PPP2R2B: variants seen among roughly 807,000 people sequenced by gnomAD.
PPP2R2B encodes the protein protein phosphatase 2 regulatory subunit Bbeta.
In PPP2R2B, 5 loss-of-function variants were observed where a neutral mutation model predicts 46.0. That is an observed-to-expected ratio of 0.11 (90% CI 0.06 to 0.23). The LOEUF (loss-of-function observed/expected upper bound fraction) is 0.23. PPP2R2B is among the 10% of genes least tolerant of loss of function. The pLI, the probability that PPP2R2B is intolerant of heterozygous loss-of-function variation, is 1.00. For synonymous variants in PPP2R2B, 215 were observed against 206.7 expected, an observed-to-expected ratio of 1.04 and a Z score of -0.34; for missense variants, 367 against 575.0, an observed-to-expected ratio of 0.64 and a Z score of 3.70.
intron 1 of PPP2R2B, among the ~76,000 whole-genome samples, chr5:146,952,319 T>G (rs1751652999): frequency 6.6e-6 from 1 of 152,076 alleles, no homozygotes; most frequent in Admixed American, 6.6e-5. Flanking sequence ...ATCCATTCAC[T>G]CTTTTTGACA....
At chr5:146,906,392 G>A (rs376324508) in intron 1 of PPP2R2B, among the ~76,000 whole-genome samples, 4 of 151,866 alleles carry the variant, frequency 2.6e-5, no homozygotes, top group Middle Eastern at 3.2e-3. Flanking sequence ...GCGCGATCTC[G>A]GCTCACCGCA....
intron 2 of PPP2R2B, among the ~76,000 whole-genome samples, chr5:146,708,284 G>A (rs1169315080): frequency 6.6e-6 from 1 of 151,448 alleles, no homozygotes; most frequent in Non-Finnish European, 1.5e-5. Context: ...TTGAGCCTGG[G>A]AGGCAGAGGT....
chr5:146,812,667 G>GTA (rs1186426182), intron 2 of PPP2R2B, among the ~76,000 whole-genome samples: 17 of 638 alleles, frequency 0.027, 6 homozygotes, highest in Non-Finnish European at 0.066. Flanking sequence ...CCTCAGAAGA[G>GTA]TATATATATA....
intron 2 of PPP2R2B, among the ~76,000 whole-genome samples, chr5:146,854,981 A>G (rs1011265978): frequency 2.6e-5 from 4 of 151,994 alleles, no homozygotes; most frequent in African/African-American, 9.7e-5. Flanking sequence ...AAATACTTCC[A>G]TTTTTTTTCT....
intron 2 of PPP2R2B, among the ~76,000 whole-genome samples, chr5:146,705,824 A>G (rs1581917576): frequency 3.9e-5 from 6 of 152,292 alleles, no homozygotes; most frequent in Admixed American, 3.9e-4. Context: ...ACCTTGTTGA[A>G]AGATGTTAAT....
intron 5 of PPP2R2B, among the ~76,000 whole-genome samples, chr5:146,672,299 T>C (rs1777422579): frequency 6.6e-6 from 1 of 152,134 alleles, no homozygotes; most frequent in Non-Finnish European, 1.5e-5. Context: ...AACCACACAA[T>C]TGCCCCTGGG....
intron 2 of PPP2R2B, among the ~76,000 whole-genome samples, chr5:146,810,705 CTTT>C (rs566360243): frequency 6.6e-6 from 1 of 150,974 alleles, no homozygotes; most frequent in Non-Finnish European, 1.5e-5. Flanking sequence ...TGGCTCCTGT[CTTT>C]TTTTTTCTTT....
chr5:147,078,789 C>T (rs1222236181), intron 2 of PPP2R2B, among the ~76,000 whole-genome samples: 1 of 138,840 alleles, frequency 7.2e-6, no homozygotes, highest in East Asian at 2.1e-4. Context: ...GCCTGGGTGG[C>T]AGAGCGAGAC....
Position 146,980,771 on chromosome 5 carries a change from G to A in PPP2R2B, c.79+74894C>T, listed in dbSNP as rs147600331. ...TCAATTTTTGGAATGTTTTATACAT[G>A]CATAGGAGAATTGCTTTCTCTAATG... On this transcript the variant is annotated intron_variant, in intron 1 of 8. Coordinates refer to the PPP2R2B transcript ENST00000336640. Among the ~76,000 whole-genome samples, 1,079 of 152,236 alleles carry A rather than the reference G, an allele frequency of 7.1e-3. 6 individuals carry two copies. Among genetic ancestry groups the A allele is most frequent in the Non-Finnish European group, 0.012 (818 of 68,000 alleles).
intron 2 of PPP2R2B, among the ~76,000 whole-genome samples, chr5:146,855,455 C>A (rs1760599687): frequency 6.6e-6 from 1 of 152,202 alleles, no homozygotes. Context: ...AGAATATTCA[C>A]AAACATATAT....
intron 1 of PPP2R2B, among the ~76,000 whole-genome samples, chr5:146,940,386 A>G (rs1401775461): frequency 1.3e-5 from 2 of 152,192 alleles, no homozygotes; most frequent in Non-Finnish European, 2.9e-5. Flanking sequence ...ACACAGAGAA[A>G]GGAGAATTTT....
At chr5:146,996,091 C>T (rs1753912223) in intron 1 of PPP2R2B, among the ~76,000 whole-genome samples, 1 of 152,090 alleles carries the variant, frequency 6.6e-6, no homozygotes, top group South Asian at 2.1e-4. Flanking sequence ...TTTTTCAGGA[C>T]CAAGGACAGT....
rs1014307212 is a variant in PPP2R2B at position 146,828,597 on chromosome 5, C to T, written c.70+49405G>A. 2.6e-5 allele frequency among the ~76,000 whole-genome samples: 4 copies of T among 152,154 alleles called. 1 individual carries two copies. The South Asian group carries it at 6.2e-4, about 24-fold the overall frequency. ...CACACTTACTCAGAGCTAAGAGGCC[C>T]AAGGCTGTAGAGACAGCCAGATGGA... is the stretch of plus-strand genomic sequence containing the variant. On this transcript the variant is annotated intron_variant, in intron 2 of 9. Transcript: ENST00000394411.
intron 6 of PPP2R2B, among the ~76,000 whole-genome samples, chr5:146,644,948 T>C (rs1325580843): frequency 6.6e-6 from 1 of 152,192 alleles, no homozygotes; most frequent in Non-Finnish European, 1.5e-5. Flanking sequence ...CCCCAATTCC[T>C]GTCTAAGCCA....
At chr5:147,007,435 C>G (rs551130191) in intron 1 of PPP2R2B, among the ~76,000 whole-genome samples, 3 of 152,114 alleles carry the variant, frequency 2.0e-5, no homozygotes, top group Admixed American at 6.6e-5. Flanking sequence ...TTTGTAAATG[C>G]ACCAATCAGC....
intron 1 of PPP2R2B, among the ~76,000 whole-genome samples, chr5:146,935,346 A>G (rs994674832): frequency 2.0e-5 from 3 of 152,338 alleles, no homozygotes; most frequent in South Asian, 4.1e-4. Context: ...CAAGTTTACC[A>G]GCACTTTAAC....
intron 1 of PPP2R2B, among the ~76,000 whole-genome samples, chr5:147,049,596 A>G (rs186599928): frequency 6.6e-6 from 1 of 152,314 alleles, no homozygotes; most frequent in Admixed American, 6.5e-5. Flanking sequence ...CTGGGCTTCA[A>G]TATTTACAGT....
At chr5:146,755,720 A>C (rs1753794446) in intron 2 of PPP2R2B, among the ~76,000 whole-genome samples, 1 of 152,200 alleles carries the variant, frequency 6.6e-6, no homozygotes, top group African/African-American at 2.4e-5. Flanking sequence ...GTTATGGAAA[A>C]GGTATTTTAA....
Position 146,707,146 on chromosome 5 carries a change from T to C in PPP2R2B, c.71-6004A>G. On this transcript the variant is annotated intron_variant, in intron 2 of 9. Transcript: ENST00000394411. ...CTCCGCCTCCAGCTTCAGCTTCTCC[T>C]GGCCCAGAGTCTCCAGCTGCCGCCT... 5 of 1,597,042 alleles carry C rather than the reference T, an allele frequency of 3.1e-6. No individual in the cohort carries two copies. The Admixed American group carries it at 8.3e-5, about 27-fold the overall frequency.
Sources: gnomAD v4.1 joint callset for allele counts (sites outside exome capture counted in the v4.1 genomes callset) on GRCh38, gnomAD v4.1.1 for gene constraint, MANE v1.5 for transcripts, NCBI Gene and HGNC (gene_info 2026-07-23, HGNC 2026-07-21) for gene names.